ARB2A: variants seen among roughly 807,000 people sequenced by gnomAD.
The protein encoded by ARB2A is ARB2 cotranscriptional regulator A, also known as cotranscriptional regulator ARB2A.
At chr5:94,108,148 C>G in the ARB2A span, among the ~76,000 whole-genome samples, 11 of 152,118 alleles carry the variant, frequency 7.2e-5, no homozygotes, top group African/African-American at 2.2e-4. Flanking sequence ...AACCAGAACA[C>G]GTCTTTTCTG....
At chr5:93,920,636 T>A in the ARB2A span, among the ~76,000 whole-genome samples, 1 of 152,190 alleles carries the variant, frequency 6.6e-6, no homozygotes, top group African/African-American at 2.4e-5. Context: ...ACAAATATAT[T>A]ATAGAAAATT....
chr5:94,045,648 T>C, the ARB2A span, among the ~76,000 whole-genome samples: 4 of 152,204 alleles, frequency 2.6e-5, no homozygotes, highest in South Asian at 8.3e-4. Context: ...CCAGAATTTA[T>C]ACTAAACACT....
chr5:93,953,581 G>A, the ARB2A span, among the ~76,000 whole-genome samples: 1 of 152,136 alleles, frequency 6.6e-6, no homozygotes, highest in Non-Finnish European at 1.5e-5. Context: ...CAGTGGCACT[G>A]CACTGGGTCA....
the ARB2A span, among the ~76,000 whole-genome samples, chr5:93,642,486 C>G: frequency 6.6e-6 from 1 of 152,124 alleles, no homozygotes; most frequent in Non-Finnish European, 1.5e-5. Flanking sequence ...ATTCTCTTAC[C>G]TCAGCCTCCC....
the ARB2A span, among the ~76,000 whole-genome samples, chr5:93,828,969 G>T: frequency 6.6e-6 from 1 of 152,094 alleles, no homozygotes; most frequent in Non-Finnish European, 1.5e-5. Context: ...TAGAGATGGG[G>T]TTTCGCCATG....
chr5:93,694,080 C>A, the ARB2A span, among the ~76,000 whole-genome samples: 2 of 151,818 alleles, frequency 1.3e-5, no homozygotes, highest in African/African-American at 4.8e-5. Flanking sequence ...ACAGCCAATA[C>A]GATACTGAAT....
the ARB2A span, chr5:93,734,250 C>G: frequency 6.6e-6 from 1 of 152,094 alleles, no homozygotes; most frequent in Non-Finnish European, 1.5e-5. Context: ...TCTGAACTTA[C>G]AAGACTTATG....
chr5:93,766,739 T>C, the ARB2A span, among the ~76,000 whole-genome samples: 254 of 152,214 alleles, frequency 1.7e-3, no homozygotes, highest in African/African-American at 5.9e-3. Context: ...CACATGCACG[T>C]GTATGTTTAC....
the ARB2A span, among the ~76,000 whole-genome samples, chr5:93,937,300 GAGAA>G: frequency 2.0e-5 from 3 of 151,646 alleles, no homozygotes; most frequent in African/African-American, 7.3e-5. Flanking sequence ...GAGGGTTAGA[GAGAA>G]AGAGAGAGAG....
the ARB2A span, among the ~76,000 whole-genome samples, chr5:93,682,274 C>T: frequency 6.6e-6 from 1 of 150,818 alleles, no homozygotes; most frequent in Admixed American, 6.6e-5. Flanking sequence ...TTCTCACAAG[C>T]CATTTGATCT....
At chr5:93,997,971 A>T in the ARB2A span, among the ~76,000 whole-genome samples, 1 of 151,856 alleles carries the variant, frequency 6.6e-6, no homozygotes, top group Non-Finnish European at 1.5e-5. Flanking sequence ...TGCACCCAAA[A>T]AGATTCCCAT....
At chr5:93,906,219 G>A in the ARB2A span, among the ~76,000 whole-genome samples, 1 of 151,268 alleles carries the variant, frequency 6.6e-6, no homozygotes, top group African/African-American at 2.4e-5. Context: ...TATTCCACTT[G>A]GCTTTTGACA....
At chr5:94,071,754 C>T in the ARB2A span, among the ~76,000 whole-genome samples, 1 of 151,982 alleles carries the variant, frequency 6.6e-6, no homozygotes, top group African/African-American at 2.4e-5. Context: ...TTCTTTCATA[C>T]GTGACTGGTG....
chr5:94,019,066 A>G, the ARB2A span, among the ~76,000 whole-genome samples: 1 of 152,230 alleles, frequency 6.6e-6, no homozygotes, highest in Admixed American at 6.5e-5. Flanking sequence ...TGGGGAAATG[A>G]TTCCATATTT....
chr5:93,830,814 C>T, the ARB2A span, among the ~76,000 whole-genome samples: 17 of 151,982 alleles, frequency 1.1e-4, no homozygotes, highest in Admixed American at 7.9e-4. Context: ...AGGTGCATTA[C>T]GTTTATTGTG....
chr5:93,748,700 A>G, the ARB2A span, among the ~76,000 whole-genome samples: 2 of 152,230 alleles, frequency 1.3e-5, no homozygotes, highest in Admixed American at 6.5e-5. Flanking sequence ...TGATTTTTCT[A>G]TGACCTTTAA....
the ARB2A span, among the ~76,000 whole-genome samples, chr5:93,924,113 T>C: frequency 6.6e-5 from 10 of 152,214 alleles, no homozygotes; most frequent in East Asian, 9.7e-4. Flanking sequence ...AGACTGGACA[T>C]GAGGTGAGGT....
the ARB2A span, among the ~76,000 whole-genome samples, chr5:94,012,845 G>A: frequency 2.0e-5 from 3 of 152,202 alleles, no homozygotes; most frequent in Non-Finnish European, 4.4e-5. Context: ...AAGGAGACAG[G>A]AGCATCAAGC....
the ARB2A span, among the ~76,000 whole-genome samples, chr5:94,057,577 C>T: frequency 6.6e-6 from 1 of 152,072 alleles, no homozygotes; most frequent in Non-Finnish European, 1.5e-5. Context: ...AAAGAAAGTA[C>T]CATTTGGCAT....
Sources: allele counts gnomAD v4.1 joint callset (sites outside exome capture counted in the v4.1 genomes callset), GRCh38; gene constraint gnomAD v4.1.1; transcripts MANE v1.5; gene names NCBI Gene and HGNC (gene_info 2026-07-23, HGNC 2026-07-21).